The following CHD9 variants were observed in gnomAD, a reference collection of about 807,000 sequenced individuals.
CHD9 encodes chromodomain helicase DNA binding protein 9, also known as ATP-dependent chromatin remodeler CHD9.
Under a neutral mutation model 316.1 loss-of-function variants are expected in CHD9, and 77 were observed. That is an observed-to-expected ratio of 0.24 (90% confidence interval 0.20 to 0.29). The LOEUF (loss-of-function observed/expected upper bound fraction) is 0.29, where lower values mean the gene tolerates loss of function less well. Ranked by LOEUF, CHD9 falls within the 10% of genes least tolerant of loss-of-function variation. The probability of loss-of-function intolerance (pLI) is 1.00; values close to 1 mark genes in which losing one functional copy is unlikely to be tolerated. For synonymous variants in CHD9, 1,129 were observed against 1,158.3 expected (o/e 0.97, Z 0.51); for missense variants, 2,763 against 3,438.1 (o/e 0.80, Z 4.91).
chr16:53,078,752 C>T (rs569626514), intron 1 of CHD9, among the ~76,000 whole-genome samples: 1 of 152,316 alleles, frequency 6.6e-6, no homozygotes, highest in South Asian at 2.1e-4. Flanking sequence ...CTTCCATTCC[C>T]CTAACTCCTC....
chr16:53,212,026 G>A (rs865941664), intron 3 of CHD9, among the ~76,000 whole-genome samples: 30 of 151,908 alleles, frequency 2.0e-4, no homozygotes, highest in African/African-American at 6.5e-4. Context: ...AGGACAATTG[G>A]GCTGTTCCTA....
At chr16:53,194,768 A>G (rs1399178015) in intron 2 of CHD9, among the ~76,000 whole-genome samples, 1 of 152,208 alleles carries the variant, frequency 6.6e-6, no homozygotes, top group African/African-American at 2.4e-5. Context: ...CCCATCACCA[A>G]TAACACTGAT....
At chr16:53,140,766 T>G (rs1188227355) in intron 1 of CHD9, among the ~76,000 whole-genome samples, 1 of 152,158 alleles carries the variant, frequency 6.6e-6, no homozygotes, top group Non-Finnish European at 1.5e-5. Context: ...ATTTAAAAAA[T>G]GTTTTGGAGA....
chr16:53,109,683 T>C (rs2037684308), intron 1 of CHD9, among the ~76,000 whole-genome samples: 1 of 92,378 alleles, frequency 1.1e-5, no homozygotes, highest in Admixed American at 9.2e-5. Context: ...GTTTCTTTTT[T>C]TTTTTTTTTT....
At chr16:53,253,027 A>G (rs151223604) in intron 17 of CHD9, among the ~76,000 whole-genome samples, 198 of 152,282 alleles carry the variant, frequency 1.3e-3, no homozygotes, top group African/African-American at 4.6e-3. Flanking sequence ...CTACTGTTTG[A>G]TCCAGCAATC....
chr16:53,320,997 G>A (rs990872715), intron 37 of CHD9, among the ~76,000 whole-genome samples: 3 of 152,148 alleles, frequency 2.0e-5, no homozygotes, highest in African/African-American at 7.2e-5. Flanking sequence ...AAAGGAGGTA[G>A]TGAGAACTAA....
At chr16:53,129,522 T>TG (rs2039121326) in intron 1 of CHD9, among the ~76,000 whole-genome samples, 1 of 152,182 alleles carries the variant, frequency 6.6e-6, no homozygotes, top group South Asian at 2.1e-4. Context: ...AGGGCCTTCA[T>TG]GGGGAATATA....
intron 30 of CHD9, chr16:53,299,303 G>A (rs910111637): frequency 6.4e-6 from 1 of 155,218 alleles, no homozygotes; most frequent in African/African-American, 2.4e-5. Context: ...GAGATAGAAA[G>A]TCTCACAGCC....
intron 1 of CHD9, among the ~76,000 whole-genome samples, chr16:53,133,312 A>G (rs766315454): frequency 6.6e-6 from 1 of 152,142 alleles, no homozygotes; most frequent in Non-Finnish European, 1.5e-5. Context: ...AAAACATACT[A>G]AGTAAGGTGT....
chr16:53,171,162 C>T (rs1030054999), intron 2 of CHD9, among the ~76,000 whole-genome samples: 2 of 152,148 alleles, frequency 1.3e-5, no homozygotes, highest in African/African-American at 2.4e-5. Context: ...GTAATCCTAG[C>T]ACTTTGGGAG....
At chr16:53,213,427 G>A (rs916171876) in intron 3 of CHD9, among the ~76,000 whole-genome samples, 1 of 152,162 alleles carries the variant, frequency 6.6e-6, no homozygotes, top group Admixed American at 6.5e-5. Context: ...GTACATAATA[G>A]ATGCTCCATG....
At chr16:53,244,375 G>T (rs1476808037) in intron 13 of CHD9, among the ~76,000 whole-genome samples, 1 of 151,950 alleles carries the variant, frequency 6.6e-6, no homozygotes, top group East Asian at 1.9e-4. Context: ...TGTATTTTTA[G>T]TAGAGATGGG....
chr16:53,287,104 ACATGCCAC>A (rs1485153249), intron 26 of CHD9, among the ~76,000 whole-genome samples: 1 of 152,094 alleles, frequency 6.6e-6, no homozygotes, highest in Non-Finnish European at 1.5e-5. Context: ...GACCACAGGC[ACATGCCAC>A]CATGCCCAGC....
chr16:53,092,502 A>C (rs1159463214), intron 1 of CHD9, among the ~76,000 whole-genome samples: 1 of 152,134 alleles, frequency 6.6e-6, no homozygotes, highest in East Asian at 1.9e-4. Context: ...ATGTCCCATG[A>C]AGGTGATTTG....
At chr16:53,323,540 GC>G (rs768652777) in intron 38 of CHD9, among the ~76,000 whole-genome samples, 1 of 152,104 alleles carries the variant, frequency 6.6e-6, no homozygotes, top group Non-Finnish European at 1.5e-5. Context: ...TTTGAGCATG[GC>G]TCTATCTCCT....
At chr16:53,120,775 C>T (rs998461511) in intron 1 of CHD9, among the ~76,000 whole-genome samples, 19 of 152,110 alleles carry the variant, frequency 1.2e-4, no homozygotes, top group Non-Finnish European at 2.2e-4. Flanking sequence ...GAGTCTGAGG[C>T]GGGTGGATCA....
chr16:53,255,505 C>T, intron 18 of CHD9, 95 bp from the exon 19 acceptor site: 1 of 1,074,998 alleles, frequency 9.3e-7, no homozygotes, highest in Non-Finnish European at 1.4e-6. Flanking sequence ...GCAGTTTAAG[C>T]ATGCCTCTTG....
At chr16:53,276,964 G>A (rs2052900171) in intron 24 of CHD9, among the ~76,000 whole-genome samples, 1 of 152,062 alleles carries the variant, frequency 6.6e-6, no homozygotes, top group South Asian at 2.1e-4. Flanking sequence ...ATCATTCCAG[G>A]CTACTATGAA....
intron 2 of CHD9, among the ~76,000 whole-genome samples, chr16:53,193,632 G>T (rs1331499541): frequency 6.6e-6 from 1 of 152,016 alleles, no homozygotes; most frequent in Non-Finnish European, 1.5e-5. Flanking sequence ...TTAAAAATTG[G>T]AGTCTTTGTT....
Sources: allele counts gnomAD v4.1 joint callset (sites outside exome capture counted in the v4.1 genomes callset), GRCh38; gene constraint gnomAD v4.1.1; transcripts MANE v1.5; gene names NCBI Gene and HGNC (gene_info 2026-07-23, HGNC 2026-07-21).